LRRC4C: variants seen among roughly 807,000 people sequenced by gnomAD.
LRRC4C encodes leucine rich repeat containing 4C, also known as leucine-rich repeat-containing protein 4C.
A neutral mutation model predicts 33.6 loss-of-function variants in LRRC4C; 5 were observed. The observed-to-expected ratio is 0.15, with a 90% CI of 0.08 to 0.31. The LOEUF (loss-of-function observed/expected upper bound fraction) is 0.31. Ranked by LOEUF, LRRC4C falls within the 10% of genes least tolerant of loss-of-function variation. The pLI is 1.00. For synonymous variants in LRRC4C, 329 were observed against 302.0 expected (o/e 1.09, Z -0.93); for missense variants, 560 against 796.7 (o/e 0.70, Z 3.58).
In LRRC4C at chr11:41,268,091, A is replaced by G. The variant is rs569288657; in HGVS notation, c.-496+191340T>C. ...TGCATATATATAATGCTGTGTTCCA[A>G]TGTATACTAACACCTGGCTACACTA... On this transcript the variant is annotated intron_variant, in intron 1 of 6. Coordinates refer to ENST00000528697, the MANE Select transcript of LRRC4C (RefSeq NM_001258419.2). 1.3e-4 allele frequency among the ~76,000 whole-genome samples: 20 copies of G among 152,188 alleles called. No homozygotes were observed. The South Asian group carries it at 2.7e-3, about 21-fold the overall frequency.
At chr11:41,401,708 A>G (rs1023073857) in intron 1 of LRRC4C, among the ~76,000 whole-genome samples, 1 of 151,922 alleles carries the variant, frequency 6.6e-6, no homozygotes, top group Admixed American at 6.6e-5. Flanking sequence ...TTTCTGGACC[A>G]TAGTTTATTC....
intron 3 of LRRC4C, among the ~76,000 whole-genome samples, chr11:40,511,961 A>C (rs780407314): frequency 6.6e-6 from 1 of 152,180 alleles, no homozygotes; most frequent in African/African-American, 2.4e-5. Context: ...GATGTACTAC[A>C]TATACAGAAT....
At position 40,398,654 on chromosome 11, in the gene LRRC4C, A is replaced by G. The variant is rs531507948; in HGVS notation, c.-269-78933T>C. On this transcript the variant is annotated intron_variant, in intron 3 of 6. Coordinates refer to ENST00000528697, the MANE Select transcript of LRRC4C (RefSeq NM_001258419.2). ...GAGAAAGAAAATGCAACAGGGTCAA[A>G]CCAAAAAACAGCTACAGGTAGTTAA... Among the ~76,000 whole-genome samples, 20 of 152,214 alleles carry G rather than the reference A, an allele frequency of 1.3e-4. No individual in the cohort carries two copies. The East Asian group carries it at 3.9e-3, about 29-fold the overall frequency.
intron 3 of LRRC4C, among the ~76,000 whole-genome samples, chr11:40,538,826 G>T (rs1348938146): frequency 6.6e-6 from 1 of 152,074 alleles, no homozygotes; most frequent in African/African-American, 2.4e-5. Flanking sequence ...ACTTTTTAAT[G>T]ATTGCCATTC....
intron 3 of LRRC4C, among the ~76,000 whole-genome samples, chr11:40,525,243 G>A (rs1026681431): frequency 2.0e-5 from 3 of 152,026 alleles, no homozygotes; most frequent in South Asian, 2.1e-4. Flanking sequence ...TCAGGAGATC[G>A]AGACCATCCT....
intron 2 of LRRC4C, among the ~76,000 whole-genome samples, chr11:40,723,379 A>T (rs771542704): frequency 1.3e-5 from 2 of 152,162 alleles, no homozygotes; most frequent in Non-Finnish European, 2.9e-5. Context: ...ATCACCTATA[A>T]AGAAAACCCC....
At chr11:41,457,824 G>A (rs866707971) in intron 1 of LRRC4C, among the ~76,000 whole-genome samples, 61 of 152,140 alleles carry the variant, frequency 4.0e-4, no homozygotes, top group Middle Eastern at 6.8e-3. Flanking sequence ...GGTGGAGGAG[G>A]GGCAGCTTCT....
At chr11:41,319,915 T>C (rs947251849) in intron 1 of LRRC4C, among the ~76,000 whole-genome samples, 7 of 152,304 alleles carry the variant, frequency 4.6e-5, no homozygotes, top group African/African-American at 1.7e-4. Context: ...TGCATGGAAT[T>C]ATTTTAATGT....
intron 5 of LRRC4C, among the ~76,000 whole-genome samples, chr11:40,166,568 A>T (rs1361812635): frequency 6.6e-6 from 1 of 152,106 alleles, no homozygotes; most frequent in Non-Finnish European, 1.5e-5. Context: ...GATATGTGTG[A>T]TTTTTTATTA....
intron 1 of LRRC4C, among the ~76,000 whole-genome samples, chr11:41,123,168 G>A (rs1049088882): frequency 1.3e-5 from 2 of 151,816 alleles, no homozygotes; most frequent in Non-Finnish European, 2.9e-5. Context: ...GCACCTCCAA[G>A]GAGGGTAAAT....
intron 1 of LRRC4C, among the ~76,000 whole-genome samples, chr11:41,130,357 T>A (rs1156662558): frequency 1.3e-5 from 2 of 151,970 alleles, no homozygotes; most frequent in Admixed American, 6.6e-5. Flanking sequence ...TTCACTATTC[T>A]TCTTTCTTCT....
At chr11:40,519,821 G>A (rs1955733561) in intron 3 of LRRC4C, among the ~76,000 whole-genome samples, 1 of 152,182 alleles carries the variant, frequency 6.6e-6, no homozygotes, top group Non-Finnish European at 1.5e-5. Flanking sequence ...AAACATAAAA[G>A]GGCAAAGCGA....
chr11:40,807,871 A>T (rs1057122770), intron 2 of LRRC4C, among the ~76,000 whole-genome samples: 1 of 152,144 alleles, frequency 6.6e-6, no homozygotes, highest in Non-Finnish European at 1.5e-5. Context: ...ACTGATAAGC[A>T]CCTTTGCTCT....
chr11:40,518,436 A>T (rs1398862796), intron 3 of LRRC4C, among the ~76,000 whole-genome samples: 1 of 152,242 alleles, frequency 6.6e-6, no homozygotes, highest in Non-Finnish European at 1.5e-5. Context: ...CCCATCAAAA[A>T]GTGGACAAAG....
intron 5 of LRRC4C, among the ~76,000 whole-genome samples, chr11:40,238,822 A>G (rs1377109): frequency 0.74 from 112,945 of 151,974 alleles, 46,018 homozygotes; most frequent in East Asian, 0.95. Context: ...TTTGCTAAGG[A>G]GGTATGTTTA....
intron 6 of LRRC4C, among the ~76,000 whole-genome samples, chr11:40,126,230 G>A (rs1856213752): frequency 6.6e-6 from 1 of 151,322 alleles, no homozygotes; most frequent in Admixed American, 6.6e-5. Flanking sequence ...GGCTTACAGT[G>A]GAAGAATGTA....
chr11:40,448,674 G>C (rs972874964), intron 3 of LRRC4C, among the ~76,000 whole-genome samples: 3 of 152,024 alleles, frequency 2.0e-5, no homozygotes, highest in African/African-American at 4.8e-5. Context: ...GTTGGTTCCA[G>C]GTTTTTGCTA....
At chr11:40,612,689 A>G (rs889008005) in intron 3 of LRRC4C, among the ~76,000 whole-genome samples, 1 of 151,932 alleles carries the variant, frequency 6.6e-6, no homozygotes, top group Non-Finnish European at 1.5e-5. Flanking sequence ...CACTATCCAT[A>G]TGCACATACA....
intron 1 of LRRC4C, among the ~76,000 whole-genome samples, chr11:41,224,256 G>T (rs1255556974): frequency 1.3e-5 from 2 of 152,144 alleles, no homozygotes; most frequent in Non-Finnish European, 2.9e-5. Flanking sequence ...GAAGGTATTT[G>T]ATAGAAACCA....
Sources: allele counts gnomAD v4.1 joint callset (sites outside exome capture counted in the v4.1 genomes callset), GRCh38; gene constraint gnomAD v4.1.1; transcripts MANE v1.5; gene names NCBI Gene and HGNC (gene_info 2026-07-23, HGNC 2026-07-21).